Variants in NR3C2 observed in about 807,000 individuals in gnomAD.
The protein encoded by NR3C2 is mineralocorticoid receptor.
In NR3C2, 15 loss-of-function variants were observed where a neutral mutation model predicts 86.4. The ratio of observed to expected loss-of-function variants is 0.17; its 90% CI spans 0.12 to 0.27. The LOEUF (loss-of-function observed/expected upper bound fraction) is 0.27. Ranked by LOEUF, NR3C2 falls within the 10% of genes least tolerant of loss-of-function variation. The pLI is 1.00. For synonymous variants in NR3C2, 458 were observed against 450.5 expected (o/e 1.02, Z -0.21); for missense variants, 960 against 1,195.6 (o/e 0.80, Z 2.91).
chr4:148,321,395 C>T (rs1253268614), intron 2 of NR3C2, among the ~76,000 whole-genome samples: 7,798 of 149,206 alleles, frequency 0.052, 284 homozygotes, highest in African/African-American at 0.11. Flanking sequence ...CTATTAGGTC[C>T]GCTTGGTGCA....
At chr4:148,133,193 C>CAAA (rs372452845) in intron 6 of NR3C2, among the ~76,000 whole-genome samples, 1 of 97,212 alleles carries the variant, frequency 1.0e-5, no homozygotes, top group Non-Finnish European at 2.0e-5. Flanking sequence ...GAACCTGTCT[C>CAAA]AAAAAAAAAA....
chr4:148,188,679 C>T (rs1736052089), intron 4 of NR3C2, among the ~76,000 whole-genome samples: 2 of 152,104 alleles, frequency 1.3e-5, no homozygotes, highest in South Asian at 4.1e-4. Context: ...CATCAGCAAA[C>T]AGTGACAGTC....
intron 2 of NR3C2, among the ~76,000 whole-genome samples, chr4:148,329,023 GA>G (rs1472967747): frequency 6.6e-6 from 1 of 152,068 alleles, no homozygotes; most frequent in African/African-American, 2.4e-5. Context: ...TTAAAAACTA[GA>G]AAATAAGATG....
chr4:148,107,650 C>T (rs184918062), intron 8 of NR3C2, among the ~76,000 whole-genome samples: 50 of 152,262 alleles, frequency 3.3e-4, no homozygotes, highest in African/African-American at 9.4e-4. Flanking sequence ...TAAACACCAT[C>T]GAATACTACA....
intron 2 of NR3C2, among the ~76,000 whole-genome samples, chr4:148,397,047 T>C (rs1337907591): frequency 6.6e-6 from 1 of 152,198 alleles, no homozygotes; most frequent in Non-Finnish European, 1.5e-5. Flanking sequence ...AGGAACCCTA[T>C]TGAAATTTGA....
chr4:148,425,108 C>A (rs1023532051), intron 2 of NR3C2, among the ~76,000 whole-genome samples: 1 of 152,130 alleles, frequency 6.6e-6, no homozygotes, highest in Non-Finnish European at 1.5e-5. Flanking sequence ...AGAACTCTGT[C>A]ATTTAATAAT....
In NR3C2 at chr4:148,179,746, A is replaced by T. The variant is rs369217284; in HGVS notation, c.2014+15000T>A. ...AAAGTCTTTAAAAGAGATACAGCAA[A>T]TTCTTTTAAATTCTATCTGCTTTAG... On this transcript the variant is annotated intron_variant, in intron 4 of 8. Transcript: ENST00000358102. 1.5e-3 allele frequency among the ~76,000 whole-genome samples: 231 copies of T among 151,928 alleles called. 2 individuals carry two copies. The highest frequency in any genetic ancestry group is 5.2e-3 in the African/African-American group (218 of 41,548).
chr4:148,317,981 C>T (rs1239139169), intron 2 of NR3C2, among the ~76,000 whole-genome samples: 13 of 149,906 alleles, frequency 8.7e-5, no homozygotes, highest in East Asian at 7.9e-4. Context: ...CCCACTAACT[C>T]GTCATCTAGC....
chr4:148,178,127 CAGGAGTT>C (rs1735463706), intron 4 of NR3C2, among the ~76,000 whole-genome samples: 1 of 152,206 alleles, frequency 6.6e-6, no homozygotes, highest in Non-Finnish European at 1.5e-5. Flanking sequence ...CCCTTGAGGC[CAGGAGTT>C]AGACACCAGT....
At chr4:148,210,730 A>C (rs975604764) in intron 3 of NR3C2, among the ~76,000 whole-genome samples, 1 of 152,226 alleles carries the variant, frequency 6.6e-6, no homozygotes, top group Non-Finnish European at 1.5e-5. Context: ...AGTGCAAAGC[A>C]ATCATAATAA....
chr4:148,245,552 G>A (rs1001050743), intron 3 of NR3C2, among the ~76,000 whole-genome samples: 1 of 152,086 alleles, frequency 6.6e-6, no homozygotes, highest in Non-Finnish European at 1.5e-5. Flanking sequence ...ATTTTGGTGC[G>A]AGACTTACAG....
At chr4:148,306,325 C>T (rs1455871924) in intron 2 of NR3C2, among the ~76,000 whole-genome samples, 2 of 152,206 alleles carry the variant, frequency 1.3e-5, no homozygotes, top group Non-Finnish European at 2.9e-5. Context: ...TCCTTGAAAT[C>T]AGAGACACTG....
At chr4:148,325,935 T>G (rs1402439219) in intron 2 of NR3C2, among the ~76,000 whole-genome samples, 1 of 152,206 alleles carries the variant, frequency 6.6e-6, no homozygotes, top group Non-Finnish European at 1.5e-5. Flanking sequence ...GTTTTTAATT[T>G]TGTTCACTGA....
intron 6 of NR3C2, among the ~76,000 whole-genome samples, chr4:148,131,350 A>C (rs1024072895): frequency 6.6e-6 from 1 of 152,132 alleles, no homozygotes; most frequent in African/African-American, 2.4e-5. Context: ...TAAATCTAAC[A>C]TCTTGTTACA....
intron 2 of NR3C2, among the ~76,000 whole-genome samples, chr4:148,433,255 T>C (rs1010727042): frequency 1.3e-5 from 2 of 152,168 alleles, no homozygotes; most frequent in Non-Finnish European, 2.9e-5. Context: ...ACTGCATCTG[T>C]AATATTTCTA....
At chr4:148,192,263 C>A (rs1736232982) in intron 4 of NR3C2, among the ~76,000 whole-genome samples, 1 of 152,134 alleles carries the variant, frequency 6.6e-6, no homozygotes, top group Non-Finnish European at 1.5e-5. Flanking sequence ...TCTCTTCTAG[C>A]CACCCAGCAA....
At chr4:148,365,585 A>C (rs1008539500) in intron 2 of NR3C2, among the ~76,000 whole-genome samples, 1 of 152,180 alleles carries the variant, frequency 6.6e-6, no homozygotes, top group Non-Finnish European at 1.5e-5. Flanking sequence ...AATATTTTAA[A>C]ATGTGATACA....
At chr4:148,295,597 C>T (rs1742009314) in intron 2 of NR3C2, among the ~76,000 whole-genome samples, 1 of 150,496 alleles carries the variant, frequency 6.6e-6, no homozygotes, top group Non-Finnish European at 1.5e-5. Flanking sequence ...TGCCTCACTG[C>T]CAGCCTCTCC....
At chr4:148,387,145 A>T (rs72729984) in intron 2 of NR3C2, among the ~76,000 whole-genome samples, 28,157 of 152,062 alleles carry the variant, frequency 0.19, 2,882 homozygotes, top group Non-Finnish European at 0.23. Flanking sequence ...AGCGGATTTG[A>T]CTTTTCTTTC....
Sources: allele counts gnomAD v4.1 joint callset (sites outside exome capture counted in the v4.1 genomes callset), GRCh38; gene constraint gnomAD v4.1.1; transcripts MANE v1.5; gene names NCBI Gene and HGNC (gene_info 2026-07-23, HGNC 2026-07-21).